Variants in SYNE3 observed in about 807,000 individuals in gnomAD.
SYNE3 encodes spectrin repeat containing nuclear envelope family member 3, also known as nesprin-3.
Under a neutral mutation model 111.2 loss-of-function variants are expected in SYNE3, and 100 were observed. The observed-to-expected ratio is 0.90, with a 90% CI of 0.77 to 1.06. The LOEUF (loss-of-function observed/expected upper bound fraction) is 1.06, where lower values mean the gene tolerates loss of function less well. Among genes scored for constraint, SYNE3 ranks in the 50% least tolerant of loss-of-function variants. The pLI is 0.00. For synonymous variants in SYNE3, 547 were observed against 533.9 expected, an observed-to-expected ratio of 1.02 and a Z score of -0.34; for missense variants, 1,160 against 1,240.3, an observed-to-expected ratio of 0.94 and a Z score of 0.97.
intron 1 of SYNE3, among the ~76,000 whole-genome samples, chr14:95,493,375 G>A (rs954469890): frequency 2.0e-4 from 30 of 152,214 alleles, no homozygotes; most frequent in African/African-American, 7.2e-4. Context: ...GAGGCTCAGA[G>A]AGGTGAGATA....
At chr14:95,450,569 C>T (rs140907722) in intron 7 of SYNE3, 1,988 of 154,164 alleles carry the variant, frequency 0.013, 34 homozygotes, top group Non-Finnish European at 0.016. Flanking sequence ...CCTAGCTACT[C>T]GGGAGGCTGA....
intron 17 of SYNE3, among the ~76,000 whole-genome samples, chr14:95,419,447 A>G (rs1343857530): frequency 6.6e-6 from 1 of 152,172 alleles, no homozygotes; most frequent in Non-Finnish European, 1.5e-5. Context: ...ATTAATACTT[A>G]TTTATAATAA....
At chr14:95,515,765 A>T (rs1161805823) in intron 1 of SYNE3, among the ~76,000 whole-genome samples, 1 of 152,198 alleles carries the variant, frequency 6.6e-6, no homozygotes, top group African/African-American at 2.4e-5. Context: ...AGGAAAGCCC[A>T]GGGTTGGAGC....
chr14:95,444,710 C>T, intron 9 of SYNE3, 82 bp from the exon 10 acceptor site: 2 of 1,464,494 alleles, frequency 1.4e-6, no homozygotes, highest in Admixed American at 2.4e-5. Flanking sequence ...TTCAGCCAGG[C>T]TGCTCTTCGT....
rs1903422421 is a variant in SYNE3, at chr14:95,411,091, G to T, written c.*6735C>A. On this transcript the variant is annotated 3_prime_UTR_variant, in exon 18 of 18. Transcript: ENST00000682763. ...TCCTAACCTGTAAAATGGGTACAAAGTTGGAACAAGACAGTCTATGGAAGC... is the reference window on the plus strand; with the variant it reads ...TCCTAACCTGTAAAATGGGTACAAATTTGGAACAAGACAGTCTATGGAAGC... 6.6e-6 allele frequency: 1 copy of T among 152,190 alleles called. No individual in the cohort carries two copies. Among genetic ancestry groups the T allele is most frequent in the Non-Finnish European group, 1.5e-5 (1 of 68,046 alleles). The allele number at this position is 152,190 out of a possible 1,614,324, so 9.4% of individuals were successfully genotyped here. A position where few individuals can be genotyped will look rare whatever the true frequency, so the allele number is the denominator to read the frequency against.
intron 1 of SYNE3, among the ~76,000 whole-genome samples, chr14:95,487,592 G>A (rs930496707): frequency 4.6e-5 from 7 of 152,104 alleles, no homozygotes; most frequent in African/African-American, 1.7e-4. Context: ...ACATATTTCA[G>A]CTGCACAGTT....
In SYNE3 at chr14:95,502,465, C is replaced by T. The variant is rs188142325; in HGVS notation, c.-15+14131G>A. Among the ~76,000 whole-genome samples the T allele has an allele frequency of 4.1e-4, 62 of 152,278 alleles. 1 individual carries two copies. Among genetic ancestry groups the T allele is most frequent in the African/African-American group, 1.2e-3 (50 of 41,564 alleles). On this transcript the variant is annotated intron_variant, in intron 1 of 17. Coordinates refer to ENST00000682763, the MANE Select transcript of SYNE3 (RefSeq NM_152592.6). ...ATCTTCCCCGGCTGGCTCCTAATCA[C>T]AGCTGCCACAGGCTCTCAGATCCAG...
At chr14:95,488,720 G>GGAGAA in intron 1 of SYNE3, among the ~76,000 whole-genome samples, 2 of 117,452 alleles carry the variant, frequency 1.7e-5, no homozygotes, top group African/African-American at 3.5e-5. Context: ...GGAGAGGAGA[G>GGAGAA]GAGAGGAGAG....
chr14:95,410,038 C>T lies in SYNE3; in HGVS notation c.*7788G>A, dbSNP rs1903393658. On this transcript the variant is annotated 3_prime_UTR_variant, in exon 18 of 18. Coordinates refer to ENST00000682763, the MANE Select transcript of SYNE3 (RefSeq NM_152592.6). ...AAAGAAAGTGTTCAAAAGCTTAGCC[C>T]TGGGTGCTCACCGCCAGGACAAAGA... 1 of 153,928 alleles carries T rather than the reference C, an allele frequency of 6.5e-6. No homozygotes were observed. Among genetic ancestry groups the T allele is most frequent in the Non-Finnish European group, 1.4e-5 (1 of 69,304 alleles). The allele number at this position is 153,928 out of a possible 1,614,324, so 9.5% of individuals were successfully genotyped here. A position where few individuals can be genotyped will look rare whatever the true frequency, so the allele number is the denominator to read the frequency against.
At position 95,457,169 on chromosome 14, in the gene SYNE3, G is replaced by A. The variant is rs1455153827; in HGVS notation, c.789+8C>T. The A allele has an allele frequency of 6.2e-7, 1 of 1,612,940 alleles. No homozygotes were observed. Among genetic ancestry groups the A allele is most frequent in the Admixed American group, 1.7e-5 (1 of 59,934 alleles). On this transcript the variant is annotated splice_region_variant and intron_variant, in intron 5 of 17. Coordinates refer to ENST00000682763, the MANE Select transcript of SYNE3 (RefSeq NM_152592.6). The stretch of plus-strand genomic sequence containing the variant: ...GGTCCCTCTGGTTGAGACACAGCTG[G>A]GGATTACCTGCAGTGTGGAGAGGCG...
intron 10 of SYNE3, 52 bp downstream of exon 10, chr14:95,444,433 G>A (rs1184814409): frequency 7.2e-6 from 11 of 1,534,712 alleles, no homozygotes; most frequent in Non-Finnish European, 9.7e-6. Context: ...GCTGCTTCCA[G>A]GTGCAGCTGA....
At chr14:95,455,215 G>C (rs1483931608) in intron 6 of SYNE3, among the ~76,000 whole-genome samples, 162 bp downstream of exon 6, 1 of 152,196 alleles carries the variant, frequency 6.6e-6, no homozygotes, top group Non-Finnish European at 1.5e-5. Flanking sequence ...CACCCAACTT[G>C]TCTACTCCCC....
At position 95,455,617 on chromosome 14, in the gene SYNE3, G is replaced by A. The variant is rs756266502; in HGVS notation, c.897C>T (p.Thr299=). Residue 299 remains threonine, a synonymous_variant, in exon 6 of 18, where the codon ACC becomes ACT. Coordinates refer to ENST00000682763, the MANE Select transcript of SYNE3 (RefSeq NM_152592.6). ...CTTTCCTCATCTCTTCCAGTTCTCCGGTGATCTTCTCTGCACCCAAAGGAG... is the reference window on the plus strand; with the variant it reads ...CTTTCCTCATCTCTTCCAGTTCTCCAGTGATCTTCTCTGCACCCAAAGGAG... ...NTSPLGAEKI[T]GELEEMRKVL... The A allele has an allele frequency of 3.2e-5, 52 of 1,614,178 alleles. No homozygotes were observed. Among genetic ancestry groups the A allele is most frequent in the Non-Finnish European group, 4.2e-5 (49 of 1,180,028 alleles).
chr14:95,425,614 A>G (rs1365245532), intron 17 of SYNE3, among the ~76,000 whole-genome samples: 1 of 152,236 alleles, frequency 6.6e-6, no homozygotes, highest in Non-Finnish European at 1.5e-5. Flanking sequence ...ATAACAATGT[A>G]TCAACTGGTT....
At chr14:95,430,532 T>C (rs1885698909) in intron 17 of SYNE3, among the ~76,000 whole-genome samples, 2 of 152,212 alleles carry the variant, frequency 1.3e-5, no homozygotes, top group African/African-American at 4.8e-5. Context: ...CCATTAATAG[T>C]TCCATTTTAG....
intron 17 of SYNE3, among the ~76,000 whole-genome samples, chr14:95,425,400 C>T (rs780530990): frequency 2.0e-5 from 3 of 152,252 alleles, no homozygotes; most frequent in South Asian, 2.1e-4. Flanking sequence ...AAAGGCAAAC[C>T]GTGGAGACAG....
rs971113672 is a variant in SYNE3, at chr14:95,485,350, C to T, written c.-14-9515G>A. 5.3e-5 allele frequency among the ~76,000 whole-genome samples: 8 copies of T among 152,140 alleles called. No homozygotes were observed. The highest frequency in any genetic ancestry group is 1.9e-4 in the African/African-American group (8 of 41,410). On this transcript the variant is annotated intron_variant, in intron 1 of 17. Coordinates refer to ENST00000682763, the MANE Select transcript of SYNE3 (RefSeq NM_152592.6). The surrounding 1 kb of genome is among the most constrained non-coding windows in gnomAD (Gnocchi z 4.3). ...GTGAGGCGGGGCTGCTGGCCCCCTC[C>T]CCACATTCCAATGGGCTTCACTTCA...
chr14:95,453,408 G>C (rs927812437), intron 6 of SYNE3, among the ~76,000 whole-genome samples: 1 of 152,168 alleles, frequency 6.6e-6, no homozygotes, highest in Non-Finnish European at 1.5e-5. Context: ...AGGGTTTAGA[G>C]TATTAAGCTC....
intron 1 of SYNE3, among the ~76,000 whole-genome samples, chr14:95,482,005 C>T (rs1361691460): frequency 1.3e-5 from 2 of 152,224 alleles, no homozygotes; most frequent in African/African-American, 4.8e-5. Flanking sequence ...TCCCCTTCCC[C>T]GGCTCTCCAA....
Sources: allele counts gnomAD v4.1 joint callset (sites outside exome capture counted in the v4.1 genomes callset), GRCh38; gene constraint gnomAD v4.1.1; non-coding constraint Gnocchi (gnomAD v3.1); transcripts MANE v1.5; gene names NCBI Gene and HGNC (gene_info 2026-07-23, HGNC 2026-07-21).